MTX2: variants seen among roughly 807,000 people sequenced by gnomAD.
MTX2 encodes the protein metaxin 2.
MTX2 carries 35 observed loss-of-function variants against 42.3 expected under a neutral mutation model. The observed-to-expected ratio is 0.83, with a 90% confidence interval of 0.63 to 1.10. MTX2 has a LOEUF of 1.10. MTX2 is among the 50% of genes least tolerant of loss of function. The pLI is 0.00. For missense variants in MTX2, 307 were observed against 304.1 expected (o/e 1.01, Z -0.07); for synonymous variants, 119 against 100.9 (o/e 1.18, Z -1.08).
At position 176,269,684 on chromosome 2, in the gene MTX2, C is replaced by T; in HGVS notation, c.40+15C>T. 6.3e-7 allele frequency: 1 copy of T among 1,590,304 alleles called. No individual in the cohort carries two copies. Among genetic ancestry groups the T allele is most frequent in the Non-Finnish European group, 8.5e-7 (1 of 1,171,644 alleles). On this transcript the variant is annotated intron_variant, in intron 1 of 9. Coordinates refer to ENST00000249442, the MANE Select transcript of MTX2 (RefSeq NM_006554.5). Reference sequence around the variant, plus strand: ...CCAGATTGCAGGTAGCGCGGCTGGCCGCAGACCCAGAAGGTGGCGGCGCGG... The same window carrying T: ...CCAGATTGCAGGTAGCGCGGCTGGCTGCAGACCCAGAAGGTGGCGGCGCGG...
At chr2:176,324,890 T>C (rs1380382227) in intron 4 of MTX2, among the ~76,000 whole-genome samples, 1 of 151,750 alleles carries the variant, frequency 6.6e-6, no homozygotes, top group Admixed American at 6.6e-5. Context: ...TTCTCTTTCA[T>C]TTAATGATTT....
chr2:176,299,720 G>A (rs914800662), intron 3 of MTX2, among the ~76,000 whole-genome samples: 1 of 151,788 alleles, frequency 6.6e-6, no homozygotes, highest in African/African-American at 2.4e-5. Context: ...CTATATAGTG[G>A]GCCAGCATTT....
At position 176,329,713 on chromosome 2, in the gene MTX2, C is replaced by G. The variant is rs571978194; in HGVS notation, c.543+287C>G. 3.3e-5 allele frequency among the ~76,000 whole-genome samples: 5 copies of G among 149,520 alleles called. No homozygotes were observed. In the East Asian group the frequency reaches 9.8e-4, roughly 29 times the overall value. Reference sequence around the variant, plus strand: ...TTGGAGAGCCTTCTTCTAGATGTTTCTTAGTAACATTTTCTCAAATGGGAT... The same window carrying G: ...TTGGAGAGCCTTCTTCTAGATGTTTGTTAGTAACATTTTCTCAAATGGGAT... On this transcript the variant is annotated intron_variant, in intron 8 of 9. Transcript: ENST00000249442.
intron 3 of MTX2, among the ~76,000 whole-genome samples, chr2:176,311,011 T>C (rs957106664): frequency 3.3e-5 from 5 of 152,248 alleles, no homozygotes; most frequent in Admixed American, 1.3e-4. Flanking sequence ...TTTTCTGCTC[T>C]GGTTTCTCCC....
In MTX2 at chr2:176,330,750, ATATT is replaced by A. The variant is rs1290959098; in HGVS notation, c.620+93_620+96del. On this transcript the variant is annotated intron_variant, in intron 9 of 9. Transcript: ENST00000249442. ...ATAAAAGAATTGCTTTTTCAAGAAA[ATATT>A]TAGCTATTTTTATAATTTTTGTACT... 2.5e-5 allele frequency: 21 copies of A among 850,416 alleles called. No homozygotes were observed. In the African/African-American group the frequency reaches 2.6e-4, roughly 10 times the overall value. The allele number at this position is 850,416 out of a possible 1,614,324, so 52.7% of individuals were successfully genotyped here. A position where few individuals can be genotyped will look rare whatever the true frequency, so the allele number is the denominator to read the frequency against.
chr2:176,299,528 A>G (rs1469276157), intron 3 of MTX2, among the ~76,000 whole-genome samples: 1 of 152,066 alleles, frequency 6.6e-6, no homozygotes, highest in East Asian at 1.9e-4. Flanking sequence ...ACAATGTAGA[A>G]TTTTCCTTAA....
chr2:176,329,487 T>C (rs1490337068), intron 8 of MTX2, 61 bp downstream of exon 8: 3 of 1,474,168 alleles, frequency 2.0e-6, no homozygotes, highest in Middle Eastern at 1.8e-4. Flanking sequence ...AATCATTCTT[T>C]ATATTGATAC....
At chr2:176,284,572 A>G (rs929354727) in intron 1 of MTX2, among the ~76,000 whole-genome samples, 9 of 152,190 alleles carry the variant, frequency 5.9e-5, no homozygotes, top group African/African-American at 1.9e-4. Flanking sequence ...CTATCATGTT[A>G]CCACTTTGAT....
At chr2:176,330,493 G>C (rs1278708075) in intron 8 of MTX2, 91 bp from the exon 9 acceptor site, 1 of 814,688 alleles carries the variant, frequency 1.2e-6, no homozygotes, top group Admixed American at 2.5e-5. Flanking sequence ...TTATATTTTT[G>C]TTATAAACTG....
At chr2:176,303,908 G>A (rs899718181) in intron 3 of MTX2, among the ~76,000 whole-genome samples, 6 of 151,886 alleles carry the variant, frequency 4.0e-5, no homozygotes, top group African/African-American at 1.4e-4. Flanking sequence ...TTGCAACTTA[G>A]AATATCAGCT....
intron 1 of MTX2, among the ~76,000 whole-genome samples, chr2:176,294,444 C>T (rs151196208): frequency 0.029 from 4,383 of 152,118 alleles, 184 homozygotes; most frequent in Admixed American, 0.12. Flanking sequence ...CCACCACGCC[C>T]GGCTAATTTT....
At chr2:176,306,106 G>A (rs947367507) in intron 3 of MTX2, among the ~76,000 whole-genome samples, 12 of 150,802 alleles carry the variant, frequency 8.0e-5, no homozygotes, top group Admixed American at 6.0e-4. Context: ...GATGTTCCCT[G>A]CCCTGTGTCG....
At chr2:176,299,301 A>G (rs1324128635) in intron 3 of MTX2, among the ~76,000 whole-genome samples, 2 of 151,996 alleles carry the variant, frequency 1.3e-5, no homozygotes, top group African/African-American at 4.8e-5. Context: ...AGGTTGACAA[A>G]CCCTGGAATA....
intron 3 of MTX2, among the ~76,000 whole-genome samples, chr2:176,309,530 T>C (rs1473459510): frequency 6.6e-6 from 1 of 152,084 alleles, no homozygotes; most frequent in Non-Finnish European, 1.5e-5. Flanking sequence ...GGAGTCTAAG[T>C]CTCTTTGTAG....
intron 3 of MTX2, among the ~76,000 whole-genome samples, chr2:176,309,642 T>C (rs1337301006): frequency 1.3e-5 from 2 of 152,156 alleles, no homozygotes; most frequent in East Asian, 3.8e-4. Context: ...TTTACCATTA[T>C]GTAATGGCCT....
At chr2:176,287,311 AAGTAAGATGTATGTAT>A (rs1347920831) in intron 1 of MTX2, among the ~76,000 whole-genome samples, 1 of 152,194 alleles carries the variant, frequency 6.6e-6, no homozygotes, top group East Asian at 1.9e-4. Context: ...TTACTTTCTG[AAGTAAGATGTATGTAT>A]AATTTACTAT....
intron 1 of MTX2, among the ~76,000 whole-genome samples, chr2:176,269,920 C>T (rs888290127): frequency 1.1e-4 from 17 of 152,078 alleles, no homozygotes; most frequent in African/African-American, 3.6e-4. Flanking sequence ...TCCCACCTCC[C>T]CATTCAGTTG....
At chr2:176,300,024 T>A (rs187182434) in intron 3 of MTX2, among the ~76,000 whole-genome samples, 13 of 152,216 alleles carry the variant, frequency 8.5e-5, no homozygotes, top group African/African-American at 2.9e-4. Context: ...TTAGATTTGC[T>A]TTCCTTCACT....
intron 1 of MTX2, among the ~76,000 whole-genome samples, chr2:176,280,880 G>T (rs1388504864): frequency 1.3e-5 from 2 of 152,234 alleles, no homozygotes; most frequent in East Asian, 3.9e-4. Flanking sequence ...TCATGGACAA[G>T]GATAGTGTCC....
Sources: allele counts gnomAD v4.1 joint callset (sites outside exome capture counted in the v4.1 genomes callset), GRCh38; gene constraint gnomAD v4.1.1; transcripts MANE v1.5; gene names NCBI Gene and HGNC (gene_info 2026-07-23, HGNC 2026-07-21).